TDRD9: variants seen among roughly 807,000 people sequenced by gnomAD.
TDRD9 encodes the protein ATP-dependent RNA helicase TDRD9.
TDRD9 carries 124 observed loss-of-function variants against 172.6 expected under a neutral mutation model. The ratio of observed to expected loss-of-function variants is 0.72; its 90% CI spans 0.62 to 0.83. The LOEUF is 0.83. Ranked by LOEUF, TDRD9 falls within the 40% of genes least tolerant of loss-of-function variation. The pLI, the probability that TDRD9 is intolerant of heterozygous loss-of-function variation, is 0.00. For synonymous variants in TDRD9, 619 were observed against 617.1 expected, an observed-to-expected ratio of 1.00 and a Z score of -0.05; for missense variants, 1,479 against 1,714.1, an observed-to-expected ratio of 0.86 and a Z score of 2.42.
intron 1 of TDRD9, among the ~76,000 whole-genome samples, chr14:103,947,154 C>A (rs1235720445): frequency 6.6e-6 from 1 of 152,108 alleles, no homozygotes; most frequent in Non-Finnish European, 1.5e-5. Flanking sequence ...AAGCTACAAT[C>A]ATCAAAACAG....
intron 1 of TDRD9, among the ~76,000 whole-genome samples, chr14:103,931,192 A>G (rs921211769): frequency 1.3e-5 from 2 of 151,778 alleles, no homozygotes; most frequent in Non-Finnish European, 2.9e-5. Context: ...CCAGCTACTC[A>G]GGAGGCTGAG....
At chr14:104,004,574 T>A (rs760491256) in intron 14 of TDRD9, among the ~76,000 whole-genome samples, 11 of 152,130 alleles carry the variant, frequency 7.2e-5, no homozygotes, top group Non-Finnish European at 1.5e-4. Flanking sequence ...GAGACAGGGT[T>A]TCACTGTGTT....
rs2034362404 is a variant in TDRD9, at chr14:104,004,284, C to T, written c.1530C>T (p.His510=). The change falls in exon 14 of 36, where the codon CAC becomes CAT. Residue 510 remains histidine, a synonymous_variant. Transcript: ENST00000409874. ...VSRGYCYRLV[H]KDFWDNSIPD... ...GAGGGTACTGTTACCGGCTGGTACA[C>T]AAGGATTTCTGGGACAACTCCATCC... is the stretch of plus-strand genomic sequence containing the variant. 9 of 1,605,652 alleles carry T rather than the reference C, an allele frequency of 5.6e-6. No homozygotes were observed. Among genetic ancestry groups the T allele is most frequent in the Non-Finnish European group, 7.7e-6 (9 of 1,174,214 alleles).
At chr14:103,969,024 C>T (rs553986509) in intron 5 of TDRD9, among the ~76,000 whole-genome samples, 275 of 148,768 alleles carry the variant, frequency 1.8e-3, no homozygotes, top group African/African-American at 6.1e-3. Context: ...GGCGTGAACC[C>T]GGGAGGCGGA....
chr14:104,006,303 G>C, intron 15 of TDRD9, 86 bp from the exon 16 acceptor site: 1 of 1,116,932 alleles, frequency 9.0e-7, no homozygotes, highest in Non-Finnish European at 1.3e-6. Context: ...TTAGGTCTTT[G>C]TTTCCTGTTT....
chr14:103,965,243 GAAAAAT>G, intron 3 of TDRD9, 84 bp from the exon 4 acceptor site: 3 of 1,315,270 alleles, frequency 2.3e-6, no homozygotes, highest in Non-Finnish European at 3.2e-6. Flanking sequence ...TAAGATGAAA[GAAAAAT>G]AAATCCTGAA....
At chr14:104,045,093 A>G (rs965368801) in intron 34 of TDRD9, among the ~76,000 whole-genome samples, 1 of 152,122 alleles carries the variant, frequency 6.6e-6, no homozygotes, top group Non-Finnish European at 1.5e-5. Context: ...CAGTGAGCCA[A>G]GATCACGCCA....
At chr14:104,008,552 G>A (rs976691368) in intron 20 of TDRD9, 86 bp downstream of exon 20, 13 of 896,044 alleles carry the variant, frequency 1.5e-5, no homozygotes, top group Non-Finnish European at 2.4e-5. Flanking sequence ...TATTAAGTAC[G>A]TGGGTAGTAA....
intron 7 of TDRD9, among the ~76,000 whole-genome samples, chr14:103,976,773 A>G (rs1408322631): frequency 6.6e-6 from 1 of 152,214 alleles, no homozygotes; most frequent in African/African-American, 2.4e-5. Flanking sequence ...TAAACGCTAT[A>G]CTAATTGACA....
chr14:103,982,103 G>A (rs890492745), intron 7 of TDRD9, among the ~76,000 whole-genome samples: 9 of 152,172 alleles, frequency 5.9e-5, no homozygotes, highest in Middle Eastern at 3.4e-3. Flanking sequence ...GCGCCTCCTG[G>A]GTTTCATGTC....
rs1224311034 is a variant in TDRD9, at chr14:103,986,376, A to T, written c.1115+56A>T. 3.1e-6 allele frequency: 4 copies of T among 1,289,062 alleles called. No homozygotes were observed. The African/African-American group carries it at 6.0e-5, about 19-fold the overall frequency. 79.9% of individuals were successfully genotyped at this position (1,289,062 alleles called of 1,614,324 possible). On this transcript the variant is annotated intron_variant, in intron 8 of 35. Transcript: ENST00000409874. Reference sequence around the variant, plus strand: ...TAATGTATATGTGATTTAAAAAATTATTCATTTGGAAACGTTTTAGTGTTT... The same window carrying T: ...TAATGTATATGTGATTTAAAAAATTTTTCATTTGGAAACGTTTTAGTGTTT...
At chr14:103,955,560 C>T in intron 1 of TDRD9, 104 bp from the exon 2 acceptor site, 1 of 696,842 alleles carries the variant, frequency 1.4e-6, no homozygotes, top group South Asian at 2.3e-5. Context: ...TGTTTATTGA[C>T]TATTTGCATT....
chr14:103,987,641 A>G (rs1222043203), intron 8 of TDRD9, among the ~76,000 whole-genome samples: 1 of 151,992 alleles, frequency 6.6e-6, no homozygotes, highest in Non-Finnish European at 1.5e-5. Flanking sequence ...TGTTCTTTTA[A>G]ATTTATGGAG....
At chr14:103,979,109 G>T (rs1247724819) in intron 7 of TDRD9, among the ~76,000 whole-genome samples, 1 of 151,978 alleles carries the variant, frequency 6.6e-6, no homozygotes, top group Non-Finnish European at 1.5e-5. Flanking sequence ...CTATTAAACT[G>T]TTTTTTAGCT....
chr14:104,036,758 A>T (rs1218809766), intron 32 of TDRD9, among the ~76,000 whole-genome samples: 2 of 152,260 alleles, frequency 1.3e-5, no homozygotes, highest in Non-Finnish European at 2.9e-5. Flanking sequence ...TATATATAAC[A>T]ATACACAGTG....
intron 1 of TDRD9, among the ~76,000 whole-genome samples, chr14:103,930,513 C>G (rs368528309): frequency 1.3e-5 from 2 of 152,086 alleles, no homozygotes; most frequent in African/African-American, 4.8e-5. Flanking sequence ...GTTTGTTAGT[C>G]TTGTCTGATT....
At chr14:104,042,236 C>A in intron 34 of TDRD9, 49 bp downstream of exon 34, 1 of 1,286,036 alleles carries the variant, frequency 7.8e-7, no homozygotes, top group South Asian at 1.2e-5. Context: ...TCAACTTTCT[C>A]AGCTGCCTTG....
intron 4 of TDRD9, 22 bp from the exon 5 acceptor site, chr14:103,966,675 TTTTTTCCTTTCC>T (rs1183665939): frequency 3.3e-6 from 5 of 1,493,562 alleles, no homozygotes; most frequent in Non-Finnish European, 4.5e-6. Context: ...TTTTTTTCTC[TTTTTTCCTTTCC>T]TTTTTCCTTC....
At chr14:103,967,821 G>C (rs2032819240) in intron 5 of TDRD9, among the ~76,000 whole-genome samples, 1 of 152,166 alleles carries the variant, frequency 6.6e-6, no homozygotes, top group African/African-American at 2.4e-5. Context: ...TATCTTTATA[G>C]TAGGTAGAGA....
Sources: gnomAD v4.1 joint callset for allele counts (sites outside exome capture counted in the v4.1 genomes callset) on GRCh38, gnomAD v4.1.1 for gene constraint, MANE v1.5 for transcripts, NCBI Gene and HGNC (gene_info 2026-07-23, HGNC 2026-07-21) for gene names.